Variants in TLK2 observed in about 807,000 individuals in gnomAD.
TLK2 encodes serine/threonine-protein kinase tousled-like 2.
Under a neutral mutation model 117.3 loss-of-function variants are expected in TLK2, and 6 were observed. The observed-to-expected ratio is 0.05, with a 90% CI of 0.03 to 0.10. The LOEUF (loss-of-function observed/expected upper bound fraction) is 0.10. Among genes scored for constraint, TLK2 ranks in the 10% least tolerant of loss-of-function variants. The probability of loss-of-function intolerance (pLI) is 1.00; values close to 1 mark genes in which losing one functional copy is unlikely to be tolerated. For synonymous variants in TLK2, 257 were observed against 316.7 expected, an observed-to-expected ratio of 0.81 and a Z score of 2.00; for missense variants, 299 against 901.2, an observed-to-expected ratio of 0.33 and a Z score of 8.56.
At chr17:62,596,760 C>CCCTCAG (rs2082508164) in intron 17 of TLK2, 86 bp downstream of exon 17, 1 of 1,140,894 alleles carries the variant, frequency 8.8e-7, no homozygotes, top group Non-Finnish European at 1.3e-6. Flanking sequence ...ACTCTGGGTC[C>CCCTCAG]AGGACATACC....
chr17:62,604,098 G>A (rs906258531), intron 19 of TLK2, among the ~76,000 whole-genome samples: 13 of 151,862 alleles, frequency 8.6e-5, no homozygotes, highest in Non-Finnish European at 1.5e-4. Context: ...TCCGCCTCCC[G>A]AGTTCAAGTG....
chr17:62,546,811 C>T (rs528023302), intron 7 of TLK2, among the ~76,000 whole-genome samples: 2 of 151,956 alleles, frequency 1.3e-5, no homozygotes, highest in Non-Finnish European at 2.9e-5. Flanking sequence ...CCACCTGTCT[C>T]GGCCTCCCAA....
At chr17:62,474,110 G>C (rs1376866466), upstream of TLK2, among the ~76,000 whole-genome samples, 1 of 151,772 alleles carries the variant, frequency 6.6e-6, no homozygotes, top group African/African-American at 2.4e-5. Flanking sequence ...ACCGAGTCTC[G>C]CTCTGTCGCC....
intron 2 of TLK2, among the ~76,000 whole-genome samples, chr17:62,486,218 G>A (rs1260687068): frequency 2.0e-5 from 3 of 151,726 alleles, no homozygotes; most frequent in Admixed American, 1.3e-4. Context: ...GTGCAGTGGC[G>A]CGATCTCGGC....
rs541069866 is a variant in TLK2, at chr17:62,483,381, C to T, written c.81+2175C>T. On this transcript the variant is annotated intron_variant, in intron 2 of 21. Coordinates refer to ENST00000346027, the MANE Select transcript of TLK2 (RefSeq NM_006852.6). ...TCAACATGTTGCTGTCTAGACCCAA[C>T]TTAAAGTCATGTAACTAAGGTATCA... Among the ~76,000 whole-genome samples, 8 of 152,286 alleles carry T rather than the reference C, an allele frequency of 5.3e-5. No homozygotes were observed. In the South Asian group the frequency reaches 1.7e-3, roughly 32 times the overall value.
chr17:62,610,916 G>T (rs557358278), intron 21 of TLK2, among the ~76,000 whole-genome samples: 1 of 152,280 alleles, frequency 6.6e-6, no homozygotes, highest in East Asian at 1.9e-4. Flanking sequence ...GAGGTGGCAG[G>T]ATTGCTTGAG....
intron 10 of TLK2, 67 bp downstream of exon 10, chr17:62,560,193 C>T: frequency 1.1e-6 from 1 of 946,460 alleles, no homozygotes; most frequent in Non-Finnish European, 1.5e-6. Context: ...TGTGTGGCTT[C>T]TTATTCCTTA....
chr17:62,585,599 A>G (rs2081555858), intron 15 of TLK2: 1 of 152,434 alleles, frequency 6.6e-6, no homozygotes, highest in South Asian at 2.1e-4. Context: ...GACTAAAGGC[A>G]GGGCTGTTTT....
At chr17:62,591,195 G>A (rs1441414054) in intron 16 of TLK2, among the ~76,000 whole-genome samples, 1 of 152,114 alleles carries the variant, frequency 6.6e-6, no homozygotes, top group Non-Finnish European at 1.5e-5. Context: ...GTTGCAGTGA[G>A]CCAAGATGGC....
chr17:62,541,110 A>G (rs1598459645), intron 7 of TLK2, among the ~76,000 whole-genome samples: 1 of 152,114 alleles, frequency 6.6e-6, no homozygotes, highest in East Asian at 1.9e-4. Context: ...GTTTCTGCTT[A>G]TATTTACCCT....
intron 2 of TLK2, among the ~76,000 whole-genome samples, chr17:62,514,858 C>A (rs1005313960): frequency 1.1e-4 from 17 of 152,158 alleles, no homozygotes; most frequent in African/African-American, 3.9e-4. Context: ...GGCTTACAGG[C>A]GTGAGCCACC....
intron 13 of TLK2, 29 bp downstream of exon 13, chr17:62,576,804 G>GATTT (rs1375650288): frequency 6.5e-7 from 1 of 1,549,310 alleles, no homozygotes; most frequent in Admixed American, 1.7e-5. Flanking sequence ...TCTCCCTGGA[G>GATTT]AAATGTGATA....
chr17:62,550,623 T>G (rs1433957485), intron 7 of TLK2: 1 of 152,174 alleles, frequency 6.6e-6, no homozygotes, highest in East Asian at 1.9e-4. Context: ...GAGGCTGTTG[T>G]GAGCCTTCAA....
chr17:62,542,481 T>C (rs1175357781), intron 7 of TLK2, among the ~76,000 whole-genome samples: 1 of 152,188 alleles, frequency 6.6e-6, no homozygotes, highest in East Asian at 1.9e-4. Flanking sequence ...TTTCACCCAG[T>C]CTTTCTTTCT....
chr17:62,513,685 T>TTTTTG lies in TLK2; in HGVS notation c.82-7073_82-7069dup, dbSNP rs2075337668. On this transcript the variant is annotated intron_variant, in intron 2 of 21. Coordinates refer to ENST00000346027, the MANE Select transcript of TLK2 (RefSeq NM_006852.6). ...TGGATATATTTATGTGGGTCTGTTT[T>TTTTTG]TTTTGTTTTGTTTTGTTTTTTGGGA... is the stretch of plus-strand genomic sequence containing the variant. 2.0e-5 allele frequency among the ~76,000 whole-genome samples: 3 copies of TTTTTG among 152,094 alleles called. 1 individual carries two copies. The South Asian group carries it at 6.2e-4, about 31-fold the overall frequency.
intron 7 of TLK2, among the ~76,000 whole-genome samples, chr17:62,539,255 T>A (rs2077331135): frequency 6.6e-6 from 1 of 152,190 alleles, no homozygotes. Context: ...GCAGTTTCCC[T>A]TCCAGTATTT....
intron 9 of TLK2, among the ~76,000 whole-genome samples, chr17:62,554,967 A>AT (rs138425395): frequency 0.072 from 10,672 of 148,452 alleles, 1,256 homozygotes; most frequent in African/African-American, 0.25. Flanking sequence ...CATTTGGTAC[A>AT]TTTTTTTTTT....
chr17:62,610,260 T>C (rs1242877966), intron 21 of TLK2, among the ~76,000 whole-genome samples: 1 of 152,260 alleles, frequency 6.6e-6, no homozygotes, highest in African/African-American at 2.4e-5. Context: ...TTATCTCCTG[T>C]GTCCCTGTTT....
At chr17:62,576,966 C>CTTTTTTTTTTTTTTTTTTTTTTTTTTT (rs59523807) in intron 13 of TLK2, among the ~76,000 whole-genome samples, 191 bp downstream of exon 13, 74 of 115,924 alleles carry the variant, frequency 6.4e-4, no homozygotes, top group East Asian at 1.9e-3. Flanking sequence ...CTTTCTTCTT[C>CTTTTTTTTTTTTTTTTTTTTTTTTTTT]TTTTTTTTTT....
Sources: allele counts gnomAD v4.1 joint callset (sites outside exome capture counted in the v4.1 genomes callset), GRCh38; gene constraint gnomAD v4.1.1; transcripts MANE v1.5; gene names NCBI Gene and HGNC (gene_info 2026-07-23, HGNC 2026-07-21).